The following ARMC9 variants were observed in gnomAD, a reference collection of about 807,000 sequenced individuals.
The protein encoded by ARMC9 is armadillo repeat containing 9, also known as lisH domain-containing protein ARMC9.
Under a neutral mutation model 107.0 loss-of-function variants are expected in ARMC9, and 94 were observed. That is an observed-to-expected ratio of 0.88 (90% CI 0.74 to 1.04). The LOEUF (loss-of-function observed/expected upper bound fraction) is 1.04. ARMC9 is among the 50% of genes least tolerant of loss of function. The pLI, the probability that ARMC9 is intolerant of heterozygous loss-of-function variation, is 0.00. For missense variants in ARMC9, 942 were observed against 1,030.1 expected (o/e 0.91, Z 1.17); for synonymous variants, 380 against 396.9 (o/e 0.96, Z 0.51).
chr2:231,215,979 CTG>C (rs1205289687), intron 4 of ARMC9, among the ~76,000 whole-genome samples: 2 of 152,202 alleles, frequency 1.3e-5, no homozygotes, highest in African/African-American at 4.8e-5. Context: ...ATGTACGAGA[CTG>C]TGAAGGCCAT....
intron 23 of ARMC9, among the ~76,000 whole-genome samples, chr2:231,364,784 C>G (rs1269656483): frequency 2.0e-5 from 3 of 146,920 alleles, no homozygotes; most frequent in East Asian, 3.9e-4. Context: ...GACAACAGGG[C>G]AAGATTTCAT....
chr2:231,270,672 C>T, intron 12 of ARMC9: 1 of 535,042 alleles, frequency 1.9e-6, no homozygotes, highest in Non-Finnish European at 3.7e-6. Flanking sequence ...CTTGGATCTG[C>T]CATTCTAACC....
At chr2:231,366,890 G>A (rs1241071460) in intron 23 of ARMC9, among the ~76,000 whole-genome samples, 6 of 149,914 alleles carry the variant, frequency 4.0e-5, no homozygotes, top group Admixed American at 1.3e-4. Context: ...TCGCTCTGTC[G>A]CCCAGGCTAG....
rs911927812 is a variant in ARMC9, at chr2:231,291,233, A to G, written c.1627-120A>G. 4.1e-6 allele frequency: 3 copies of G among 735,892 alleles called. No homozygotes were observed. In the African/African-American group the frequency reaches 5.2e-5, roughly 13 times the overall value. 45.6% of individuals were successfully genotyped at this position (735,892 alleles called of 1,614,324 possible). Reference sequence around the variant, plus strand: ...GTCTCCTCTTCTCTGTCCCCCACCCAAGGTATCCTCTTCCTCTCCCCAAAA... The same window carrying G: ...GTCTCCTCTTCTCTGTCCCCCACCCGAGGTATCCTCTTCCTCTCCCCAAAA... On this transcript the variant is annotated intron_variant, in intron 17 of 24. Coordinates refer to ENST00000611582, the MANE Select transcript of ARMC9 (RefSeq NM_001352754.2).
chr2:231,219,984 C>T (rs368407323), intron 5 of ARMC9, among the ~76,000 whole-genome samples: 5 of 152,228 alleles, frequency 3.3e-5, no homozygotes, highest in African/African-American at 1.2e-4. Context: ...CGTGCGCCAC[C>T]ACCATTTTGA....
At chr2:231,262,892 C>T (rs1046371748) in intron 12 of ARMC9, among the ~76,000 whole-genome samples, 1 of 152,152 alleles carries the variant, frequency 6.6e-6, no homozygotes, top group Non-Finnish European at 1.5e-5. Flanking sequence ...GCCAGGTCAC[C>T]GTAAGCAAGT....
intron 9 of ARMC9, among the ~76,000 whole-genome samples, chr2:231,252,459 A>T (rs981277893): frequency 6.6e-6 from 1 of 152,174 alleles, no homozygotes; most frequent in African/African-American, 2.4e-5. Flanking sequence ...CATGTTGGTC[A>T]GGCTGGTCTC....
chr2:231,341,640 TGATA>T (rs56256642), intron 20 of ARMC9, among the ~76,000 whole-genome samples: 6,132 of 140,092 alleles, frequency 0.044, 154 homozygotes, highest in South Asian at 0.055. Context: ...GATAGATAGA[TGATA>T]GATAGATAGA....
At chr2:231,363,295 C>G (rs1203528425) in intron 23 of ARMC9, among the ~76,000 whole-genome samples, 1 of 152,310 alleles carries the variant, frequency 6.6e-6, no homozygotes, top group South Asian at 2.1e-4. Flanking sequence ...TCAACTTCCC[C>G]GAGCTCTGTT....
At position 231,254,961 on chromosome 2, in the gene ARMC9, C is replaced by T. The variant is rs1159918507; in HGVS notation, c.880-1625C>T. The stretch of plus-strand genomic sequence containing the variant: ...CTAACTGATCAGAGGCTTTAATATA[C>T]AAGCACATAGCCACAACACCAAATA... On this transcript the variant is annotated intron_variant, in intron 9 of 24. Coordinates refer to ENST00000611582, the MANE Select transcript of ARMC9 (RefSeq NM_001352754.2). 2.0e-5 allele frequency among the ~76,000 whole-genome samples: 3 copies of T among 152,172 alleles called. No individual in the cohort carries two copies. In the South Asian group the frequency reaches 6.2e-4, roughly 31 times the overall value.
intron 5 of ARMC9, among the ~76,000 whole-genome samples, chr2:231,222,224 C>T (rs1278768371): frequency 6.6e-6 from 1 of 152,126 alleles, no homozygotes; most frequent in Admixed American, 6.6e-5. Flanking sequence ...ACAAATCATG[C>T]TAAGACTATA....
In ARMC9 at chr2:231,276,630, TC is replaced by T; in HGVS notation, c.1335-3del. 6.2e-7 allele frequency: 1 copy of T among 1,614,128 alleles called. No individual in the cohort carries two copies. Among genetic ancestry groups the T allele is most frequent in the Non-Finnish European group, 8.5e-7 (1 of 1,180,020 alleles). ...TTTGTATTTACCGTAGGCTCTTTCT[TC>T]CCAGGCGCCCGCTGCAGACAGCGAT... On this transcript the variant is annotated splice_polypyrimidine_tract_variant and splice_region_variant and intron_variant, in intron 14 of 24. Coordinates refer to ENST00000611582, the MANE Select transcript of ARMC9 (RefSeq NM_001352754.2).
chr2:231,228,246 C>T lies in ARMC9; in HGVS notation c.622+1448C>T, dbSNP rs900130252. Among the ~76,000 whole-genome samples, 4 of 152,334 alleles carry T rather than the reference C, an allele frequency of 2.6e-5. No individual in the cohort carries two copies. In the East Asian group the frequency reaches 5.8e-4, roughly 22 times the overall value. ...TCCATTGCTGCCTGACAGACCATCC[C>T]GACTTGGTGGCACAAAACAATGACA... On this transcript the variant is annotated intron_variant, in intron 7 of 24. Transcript: ENST00000611582.
At chr2:231,262,467 G>A (rs752923418) in intron 12 of ARMC9, 69 bp downstream of exon 12, 3 of 1,385,298 alleles carry the variant, frequency 2.2e-6, no homozygotes, top group Non-Finnish European at 3.1e-6. Flanking sequence ...AGCAGATGGG[G>A]GAAGCTTATA....
At position 231,270,913 on chromosome 2, in the gene ARMC9, C is replaced by T. The variant is rs557303208; in HGVS notation, c.1120-69C>T. ...GGCAGAGGAAGAGAACTACCAGACC[C>T]GAAGAGGAGGCGTGTGTTTATCTCT... On this transcript the variant is annotated intron_variant, in intron 12 of 24. Transcript: ENST00000611582. The T allele has an allele frequency of 1.3e-4, 179 of 1,358,888 alleles. 2 individuals carry two copies. The highest frequency in any genetic ancestry group is 6.7e-4 in the African/African-American group (47 of 69,702). 84.2% of individuals were successfully genotyped at this position (1,358,888 alleles called of 1,614,324 possible).
At chr2:231,271,704 CATTT>C (rs1480128798) in intron 13 of ARMC9, among the ~76,000 whole-genome samples, 2 of 152,200 alleles carry the variant, frequency 1.3e-5, no homozygotes, top group Non-Finnish European at 2.9e-5. Context: ...ATTTGGCAGA[CATTT>C]ATGATAAGCC....
At chr2:231,282,190 T>A in intron 17 of ARMC9, 57 bp downstream of exon 17, 1 of 1,564,058 alleles carries the variant, frequency 6.4e-7, no homozygotes, top group South Asian at 1.1e-5. Flanking sequence ...AGTTCAGAGC[T>A]TTTAGAGCAA....
intron 5 of ARMC9, among the ~76,000 whole-genome samples, chr2:231,218,855 GA>G (rs1190646136): frequency 6.6e-6 from 1 of 151,802 alleles, no homozygotes. Context: ...GGGTTCAAGC[GA>G]TTCTCCTGCC....
Position 231,345,031 on chromosome 2 carries a change from C to T in ARMC9, c.1935C>T (p.Ser645=), listed in dbSNP as rs2044736142. 5.6e-6 allele frequency: 9 copies of T among 1,613,932 alleles called. No homozygotes were observed. In the East Asian group the frequency reaches 6.7e-5, roughly 12 times the overall value. ...RRKGLANVQW[S]GDEPLQRPVT... is the part of the protein sequence containing the mutation. The stretch of plus-strand genomic sequence containing the variant: ...AGGGGCTGGCTAATGTGCAGTGGAG[C>T]GGGGATGAGCCCCTGCAAAGGCCCG... Residue 645 remains serine, a synonymous_variant, in exon 21 of 25, where the codon AGC becomes AGT. Transcript: ENST00000611582.
Sources: allele counts gnomAD v4.1 joint callset (sites outside exome capture counted in the v4.1 genomes callset), GRCh38; gene constraint gnomAD v4.1.1; transcripts MANE v1.5; gene names NCBI Gene and HGNC (gene_info 2026-07-23, HGNC 2026-07-21).